ESRRG: variants seen among roughly 807,000 people sequenced by gnomAD.
ESRRG encodes estrogen-related receptor gamma.
In ESRRG, 13 loss-of-function variants were observed where a neutral mutation model predicts 44.0. The observed-to-expected ratio is 0.30, with a 90% CI of 0.19 to 0.47. The LOEUF (loss-of-function observed/expected upper bound fraction) is 0.47. ESRRG is among the 20% of genes least tolerant of loss of function. The pLI is 1.00. For missense variants in ESRRG, 395 were observed against 580.6 expected (o/e 0.68, Z 3.29); for synonymous variants, 215 against 214.6 (o/e 1.00, Z -0.02).
chr1:216,566,313 A>C (rs1262185184), intron 4 of ESRRG, among the ~76,000 whole-genome samples: 1 of 152,220 alleles, frequency 6.6e-6, no homozygotes, highest in African/African-American at 2.4e-5. Context: ...GTTTGTTACA[A>C]AAACACACTA....
In ESRRG at chr1:216,530,772, A is replaced by T. The variant is rs997184770; in HGVS notation, c.863-11351T>A. On this transcript the variant is annotated intron_variant, in intron 5 of 6. Transcript: ENST00000408911. ...TATAATTTCTGTACTGCCTTTAAAA[A>T]CATAACTTCAAATCCTTTCAGAGTT... is the stretch of plus-strand genomic sequence containing the variant. Among the ~76,000 whole-genome samples the T allele has an allele frequency of 2.6e-5, 4 of 152,332 alleles. No homozygotes were observed. The South Asian group carries it at 8.3e-4, about 32-fold the overall frequency.
rs115438336 is a variant in ESRRG, at chr1:216,872,997, T to G, written c.-14+66585A>C. Among the ~76,000 whole-genome samples, 1,459 of 152,310 alleles carry G rather than the reference T, an allele frequency of 9.6e-3. 19 individuals are homozygous for G. Among genetic ancestry groups the G allele is most frequent in the African/African-American group, 0.033 (1,390 of 41,582 alleles). On this transcript the variant is annotated intron_variant, in intron 2 of 7. Transcript: ENST00000359162. ...TGAGTTTCAGTCCACAAGTTCCAAC[T>G]GACCTTCTCATGGCTATGGTTTCAA...
intron 1 of ESRRG, among the ~76,000 whole-genome samples, chr1:216,971,769 CA>C (rs2150299401): frequency 6.6e-6 from 1 of 152,254 alleles, no homozygotes; most frequent in Non-Finnish European, 1.5e-5. Context: ...ACATACAGCT[CA>C]AAACACACAC....
chr1:216,720,232 T>C (rs1232428966), intron 1 of ESRRG, among the ~76,000 whole-genome samples: 1 of 152,080 alleles, frequency 6.6e-6, no homozygotes, highest in African/African-American at 2.4e-5. Flanking sequence ...AGTAATGTAA[T>C]GGGCAAGGTT....
intron 2 of ESRRG, among the ~76,000 whole-genome samples, chr1:216,830,313 C>T (rs2095467971): frequency 6.6e-6 from 1 of 152,178 alleles, no homozygotes; most frequent in Non-Finnish European, 1.5e-5. Flanking sequence ...TAATTATGTT[C>T]CTGTCAAGTC....
chr1:216,752,868 A>T (rs2092150047), intron 2 of ESRRG, among the ~76,000 whole-genome samples: 1 of 152,088 alleles, frequency 6.6e-6, no homozygotes, highest in African/African-American at 2.4e-5. Flanking sequence ...TAACTACTTC[A>T]TTGGACTGTT....
At chr1:216,615,054 G>A (rs2061228257) in intron 3 of ESRRG, among the ~76,000 whole-genome samples, 2 of 152,166 alleles carry the variant, frequency 1.3e-5, no homozygotes, top group African/African-American at 4.8e-5. Context: ...ATTGAAGATA[G>A]TTTCTAGTAT....
chr1:217,009,359 A>C (rs777392439), intron 1 of ESRRG, among the ~76,000 whole-genome samples: 5 of 152,192 alleles, frequency 3.3e-5, no homozygotes, highest in Non-Finnish European at 7.3e-5. Flanking sequence ...AAGGGATGCC[A>C]CACCTTTAAG....
intron 1 of ESRRG, among the ~76,000 whole-genome samples, chr1:217,074,452 C>CAAAA (rs10656995): frequency 4.3e-5 from 6 of 138,592 alleles, no homozygotes; most frequent in African/African-American, 5.3e-5. Context: ...CCACCCCCCC[C>CAAAA]AAAAAAAAAA....
intron 1 of ESRRG, among the ~76,000 whole-genome samples, chr1:217,040,356 A>G (rs895023783): frequency 1.3e-5 from 2 of 152,132 alleles, no homozygotes; most frequent in African/African-American, 2.4e-5. Flanking sequence ...CTACAGTCCA[A>G]TGAAGAAGGC....
chr1:217,032,399 T>C (rs17045019), intron 1 of ESRRG, among the ~76,000 whole-genome samples: 5,635 of 152,208 alleles, frequency 0.037, 139 homozygotes, highest in Middle Eastern at 0.071. Flanking sequence ...GATAAAACAA[T>C]AGACTCAAAG....
intron 3 of ESRRG, among the ~76,000 whole-genome samples, chr1:216,603,664 C>T (rs1480680638): frequency 1.3e-5 from 2 of 152,186 alleles, no homozygotes; most frequent in African/African-American, 2.4e-5. Flanking sequence ...CACCGTGGCT[C>T]ACGCCTATAA....
intron 3 of ESRRG, among the ~76,000 whole-genome samples, chr1:216,623,337 A>T (rs943952935): frequency 6.6e-6 from 1 of 152,086 alleles, no homozygotes; most frequent in Non-Finnish European, 1.5e-5. Context: ...TTTAAGAACA[A>T]ATATGATACA....
chr1:217,090,477 C>G (rs564644952), upstream of ESRRG: 3 of 152,416 alleles, frequency 2.0e-5, no homozygotes, highest in African/African-American at 7.2e-5. Context: ...GAGCATCCAC[C>G]CAGGGCCAGA....
At chr1:216,551,074 G>A (rs976039565) in intron 5 of ESRRG, among the ~76,000 whole-genome samples, 1 of 152,088 alleles carries the variant, frequency 6.6e-6, no homozygotes, top group Admixed American at 6.6e-5. Context: ...GACTATGTGA[G>A]ACAGAAGAAT....
chr1:216,613,215 A>G (rs1857404), intron 3 of ESRRG, among the ~76,000 whole-genome samples: 95,967 of 151,890 alleles, frequency 0.63, 30,399 homozygotes, highest in African/African-American at 0.69. Context: ...GAAAATTTCT[A>G]CATAAAGATT....
rs181412572 is a variant in ESRRG, at chr1:216,983,262, C to T, written c.-105-43589G>A. Among the ~76,000 whole-genome samples, 43 of 151,580 alleles carry T rather than the reference C, an allele frequency of 2.8e-4. 1 individual carries two copies. The East Asian group carries it at 7.2e-3, about 25-fold the overall frequency. On this transcript the variant is annotated intron_variant, in intron 1 of 7. Transcript: ENST00000359162. Reference sequence around the variant, plus strand: ...TTATTTTTTTTTTGAGACAGGGTCTCGCTCTGTTACCCAGGTTGGAGATTG... The same window carrying T: ...TTATTTTTTTTTTGAGACAGGGTCTTGCTCTGTTACCCAGGTTGGAGATTG...
Position 216,918,757 on chromosome 1 carries a change from A to G in ESRRG, c.-14+20825T>C, listed in dbSNP as rs573867339. Among the ~76,000 whole-genome samples the G allele has an allele frequency of 3.7e-3, 554 of 151,182 alleles. 4 individuals carry two copies. The highest frequency in any genetic ancestry group is 0.013 in the African/African-American group (540 of 41,398). On this transcript the variant is annotated intron_variant, in intron 2 of 7. Coordinates refer to the ESRRG transcript ENST00000359162. ...TTAGCTAAAAATAAAAAAATTTATA[A>G]AAGTCAAGGTTATATTGTTTAAAAA...
At chr1:216,966,221 G>A (rs1307028151) in intron 1 of ESRRG, among the ~76,000 whole-genome samples, 6 of 152,124 alleles carry the variant, frequency 3.9e-5, no homozygotes. Context: ...AGAATGATCT[G>A]CCCACTTCCA....
Sources: gnomAD v4.1 joint callset for allele counts (sites outside exome capture counted in the v4.1 genomes callset) on GRCh38, gnomAD v4.1.1 for gene constraint, MANE v1.5 for transcripts, NCBI Gene and HGNC (gene_info 2026-07-23, HGNC 2026-07-21) for gene names.